The following PDE9A variants were observed in gnomAD, a reference collection of about 807,000 sequenced individuals.
PDE9A encodes the protein high affinity cGMP-specific 3',5'-cyclic phosphodiesterase 9A.
Under a neutral mutation model 87.4 loss-of-function variants are expected in PDE9A, and 60 were observed. The observed-to-expected ratio is 0.69, with a 90% CI of 0.56 to 0.85. The LOEUF is 0.85. PDE9A is among the 40% of genes least tolerant of loss of function. The pLI is 0.00. For synonymous variants in PDE9A, 272 were observed against 279.4 expected (o/e 0.97, Z 0.27); for missense variants, 665 against 779.0 (o/e 0.85, Z 1.74).
At chr21:42,769,619 C>T (rs1474400602) in intron 17 of PDE9A, among the ~76,000 whole-genome samples, 4 of 151,114 alleles carry the variant, frequency 2.6e-5, no homozygotes, top group East Asian at 3.9e-4. Flanking sequence ...CATGCAGGTA[C>T]ACATGCACAC....
chr21:42,760,182 G>A lies in PDE9A; in HGVS notation c.898-146G>A. ...CCTGTGTCACCTCATTGGTACCTGT[G>A]GTAAACCTGGAACACTGTTGACCTC... is the stretch of plus-strand genomic sequence containing the variant. On this transcript the variant is annotated intron_variant, in intron 11 of 19. Coordinates refer to ENST00000291539, the MANE Select transcript of PDE9A (RefSeq NM_002606.3). This position sits in a 1 kb window ranked among gnomAD's most constrained non-coding sequence, Gnocchi z 5.2. 1 of 629,516 alleles carries A rather than the reference G, an allele frequency of 1.6e-6. No individual in the cohort carries two copies. The highest frequency in any genetic ancestry group is 1.8e-5 in the South Asian group (1 of 56,888). The allele number at this position is 629,516 out of a possible 1,614,324, so 39.0% of individuals were successfully genotyped here. A position where few individuals can be genotyped will look rare whatever the true frequency, so the allele number is the denominator to read the frequency against.
rs1312554899 is a variant in PDE9A, at chr21:42,692,427, C to T, written c.218+4433C>T. Among the ~76,000 whole-genome samples, 3 of 152,294 alleles carry T rather than the reference C, an allele frequency of 2.0e-5. No homozygotes were observed. Among genetic ancestry groups the T allele is most frequent in the Admixed American group, 6.5e-5 (1 of 15,306 alleles). On this transcript the variant is annotated intron_variant, in intron 3 of 19. Coordinates refer to ENST00000291539, the MANE Select transcript of PDE9A (RefSeq NM_002606.3). This position sits in a 1 kb window ranked among gnomAD's most constrained non-coding sequence, Gnocchi z 4.3. ...GCCGGAGACATCAGCGGTGCTGAGG[C>T]GGAGCACCTGGTGTCTGAGGTCTCC...
At chr21:42,765,705 A>G in intron 15 of PDE9A, 2 of 552,860 alleles carry the variant, frequency 3.6e-6, no homozygotes, top group Non-Finnish European at 6.6e-6. Flanking sequence ...GGTCAGAGGC[A>G]GCATTCTCCC....
intron 1 of PDE9A, among the ~76,000 whole-genome samples, chr21:42,663,669 G>A (rs925667620): frequency 9.2e-5 from 14 of 152,156 alleles, no homozygotes; most frequent in African/African-American, 2.9e-4. Context: ...GTGATGTGCC[G>A]TCACTTGCAG....
chr21:42,743,568 T>C (rs1341044004), intron 7 of PDE9A, among the ~76,000 whole-genome samples: 1 of 152,152 alleles, frequency 6.6e-6, no homozygotes, highest in Non-Finnish European at 1.5e-5. Context: ...CCACGGCACA[T>C]GCCTGCGAGG....
chr21:42,732,244 T>C, intron 6 of PDE9A, 120 bp downstream of exon 6: 1 of 916,560 alleles, frequency 1.1e-6, no homozygotes, highest in Non-Finnish European at 1.7e-6. Flanking sequence ...CTCACCTGCC[T>C]GGAGGAGCTG....
intron 1 of PDE9A, among the ~76,000 whole-genome samples, chr21:42,668,592 T>A (rs993462634): frequency 6.6e-6 from 1 of 152,154 alleles, no homozygotes; most frequent in Admixed American, 6.5e-5. Flanking sequence ...TCCCCTGTGA[T>A]CCATTATTTA....
chr21:42,689,083 C>T (rs2059644037), intron 3 of PDE9A, among the ~76,000 whole-genome samples: 1 of 151,764 alleles, frequency 6.6e-6, no homozygotes, highest in South Asian at 2.1e-4. Flanking sequence ...CAGCGAGGTC[C>T]TCGTGGGTGT....
chr21:42,662,365 G>A (rs2145838625), intron 1 of PDE9A, among the ~76,000 whole-genome samples: 1 of 152,038 alleles, frequency 6.6e-6, no homozygotes, highest in Middle Eastern at 3.4e-3. Flanking sequence ...CCCCCTACCT[G>A]TTTCCTCACC....
intron 3 of PDE9A, 45 bp downstream of exon 3, chr21:42,688,039 T>C (rs1403011526): frequency 6.9e-7 from 1 of 1,453,274 alleles, no homozygotes; most frequent in South Asian, 1.1e-5. Context: ...CTGGCACTTC[T>C]CTCCATGACA....
intron 7 of PDE9A, among the ~76,000 whole-genome samples, chr21:42,736,201 A>T (rs1248695785): frequency 6.6e-6 from 1 of 152,188 alleles, no homozygotes; most frequent in Non-Finnish European, 1.5e-5. Flanking sequence ...CAAGTTGAAG[A>T]GGCCATGTCG....
At chr21:42,687,865 A>G (rs2059562730) in intron 2 of PDE9A, 52 bp from the exon 3 acceptor site, 8 of 1,466,498 alleles carry the variant, frequency 5.5e-6, no homozygotes, top group Middle Eastern at 1.7e-4. Flanking sequence ...ATTCAAGTGT[A>G]CATCCCAGAG....
chr21:42,697,041 G>A (rs191454791), intron 3 of PDE9A, among the ~76,000 whole-genome samples: 96 of 152,308 alleles, frequency 6.3e-4, no homozygotes, highest in African/African-American at 2.1e-3. Context: ...CTGAGCCCAC[G>A]CAGGCACGTG....
At chr21:42,767,537 G>C (rs1319869003) in intron 15 of PDE9A, among the ~76,000 whole-genome samples, 1 of 152,214 alleles carries the variant, frequency 6.6e-6, no homozygotes, top group East Asian at 1.9e-4. Context: ...ACTCCGAGCT[G>C]AACTGAGCTG....
chr21:42,753,518 G>T (rs1041260070), intron 9 of PDE9A, among the ~76,000 whole-genome samples: 3 of 152,142 alleles, frequency 2.0e-5, no homozygotes, highest in African/African-American at 7.2e-5. Context: ...CGTAGCATTG[G>T]CCCTTTCCAG....
At chr21:42,751,038 C>A in intron 8 of PDE9A, 78 bp from the exon 9 acceptor site, 1 of 944,022 alleles carries the variant, frequency 1.1e-6, no homozygotes, top group South Asian at 1.3e-5. Flanking sequence ...TTGGGTTTGT[C>A]GCTTGCTTTT....
intron 14 of PDE9A, among the ~76,000 whole-genome samples, chr21:42,762,535 G>T (rs2055911073): frequency 6.6e-6 from 1 of 152,208 alleles, no homozygotes; most frequent in Non-Finnish European, 1.5e-5. Flanking sequence ...TCCAGCCCAA[G>T]AAACTGAGGC....
chr21:42,700,052 C>T lies in PDE9A; in HGVS notation c.262+1041C>T, dbSNP rs139013430. On this transcript the variant is annotated intron_variant, in intron 4 of 19. Transcript: ENST00000291539. Reference sequence around the variant, plus strand: ...CCCTCCAGTGTGTCTCAGTCCACAACGGACCTGCTTTCTGACATCATCCAT... The same window carrying T: ...CCCTCCAGTGTGTCTCAGTCCACAATGGACCTGCTTTCTGACATCATCCAT... 4.4e-3 allele frequency among the ~76,000 whole-genome samples: 675 copies of T among 152,168 alleles called. 5 individuals are homozygous for T. Among genetic ancestry groups the T allele is most frequent in the South Asian group, 0.024 (115 of 4,802 alleles).
In PDE9A at chr21:42,770,690, G is replaced by A. The variant is rs1195841226; in HGVS notation, c.1591-13G>A. ...AACGAGGGACTCTGAATAAATCCGTGTGTCTCTCCCAGCTCTTCCCCATGG... is the reference window on the plus strand; with the variant it reads ...AACGAGGGACTCTGAATAAATCCGTATGTCTCTCCCAGCTCTTCCCCATGG... On this transcript the variant is annotated splice_polypyrimidine_tract_variant and intron_variant, in intron 17 of 19. Transcript: ENST00000291539. The A allele has an allele frequency of 3.7e-6, 6 of 1,603,144 alleles. No homozygotes were observed. Among genetic ancestry groups the A allele is most frequent in the Non-Finnish European group, 4.3e-6 (5 of 1,170,010 alleles).
Sources: gnomAD v4.1 joint callset for allele counts (sites outside exome capture counted in the v4.1 genomes callset) on GRCh38, gnomAD v4.1.1 for gene constraint, Gnocchi (gnomAD v3.1) non-coding constraint, MANE v1.5 for transcripts, NCBI Gene and HGNC (gene_info 2026-07-23, HGNC 2026-07-21) for gene names.